RNF32: variants seen among roughly 807,000 people sequenced by gnomAD.
The protein encoded by RNF32 is ring finger protein 32.
In RNF32, 36 loss-of-function variants were observed where a neutral mutation model predicts 41.0. That is an observed-to-expected ratio of 0.88 (90% CI 0.67 to 1.16). The LOEUF is 1.16. Ranked by LOEUF, RNF32 falls within the 50% of genes most tolerant of loss-of-function variation. The pLI is 0.00. For synonymous variants in RNF32, 154 were observed against 160.9 expected (o/e 0.96, Z 0.32); for missense variants, 413 against 436.7 (o/e 0.95, Z 0.48).
rs771792717 is a variant in RNF32 at position 156,676,822 on chromosome 7, A to G, written c.*167A>G. 3.4e-6 allele frequency: 2 copies of G among 593,314 alleles called. No homozygotes were observed. Among genetic ancestry groups the G allele is most frequent in the African/African-American group, 1.9e-5 (1 of 53,958 alleles). The allele number at this position is 593,314 out of a possible 1,614,324, so 36.8% of individuals were successfully genotyped here. A position where few individuals can be genotyped will look rare whatever the true frequency, so the allele number is the denominator to read the frequency against. ...AGTATATTTTAAAAGCTGACATCCC[A>G]CCTAATTTTAATCTTTGGTCTCTAA... On this transcript the variant is annotated 3_prime_UTR_variant, in exon 9 of 9. Coordinates refer to ENST00000317955, the MANE Select transcript of RNF32 (RefSeq NM_030936.4).
rs1364018654 is a variant in RNF32, at chr7:156,658,150, A to T, written c.473A>T (p.Lys158Met). 1 of 1,614,010 alleles carries T rather than the reference A, an allele frequency of 6.2e-7. No homozygotes were observed. The highest frequency in any genetic ancestry group is 1.1e-5 in the South Asian group (1 of 91,056). ...CAGGCATGTCTTCAGGCTTTTGAAA[A>T]GTTCACAAATAAGAAAACCTGTCCT... The part of the protein sequence containing the change: ...FHKACLQAFE[K>M]FTNKKTCPLC... Residue 158 changes from lysine (K) to methionine (M), a missense_variant, in exon 6 of 9, where the codon AAG becomes ATG. Lys to Met is a moderately conservative substitution (Grantham distance 95, BLOSUM62 -1). Transcript: ENST00000317955.
In RNF32 at chr7:156,675,818, T is replaced by C. The variant is rs754252414; in HGVS notation, c.807T>C (p.Cys269=). 1.2e-6 allele frequency: 2 copies of C among 1,614,020 alleles called. No individual in the cohort carries two copies. The highest frequency in any genetic ancestry group is 1.7e-6 in the Non-Finnish European group (2 of 1,180,022). The change falls in exon 8 of 9, where the codon TGT becomes TGC. Residue 269 remains cysteine (C), a synonymous_variant. Transcript: ENST00000317955. ...TTCTTCAGCAGTTGGAAGAAAAATG[T>C]GGCCATGAGATCACAGAAGAGGAAT... ...RSVLQQLEEK[C]GHEITEEEWE... is the part of the protein sequence containing the mutation.
chr7:156,642,033 TAGTG>T (rs1797411892), intron 1 of RNF32, among the ~76,000 whole-genome samples: 1 of 152,218 alleles, frequency 6.6e-6, no homozygotes, highest in South Asian at 2.1e-4. Context: ...ACTCACGCCT[TAGTG>T]AGTTTGTTCT....
intron 3 of RNF32, among the ~76,000 whole-genome samples, chr7:156,650,574 G>A (rs536751055): frequency 3.9e-5 from 6 of 152,184 alleles, no homozygotes; most frequent in South Asian, 2.1e-4. Flanking sequence ...TCTCCCTCCC[G>A]TTCTAAGGTC....
At chr7:156,676,355 T>C in intron 8 of RNF32, 64 bp from the exon 9 acceptor site, 1 of 1,613,634 alleles carries the variant, frequency 6.2e-7, no homozygotes, top group Non-Finnish European at 8.5e-7. Flanking sequence ...GCATTTCAGT[T>C]TAAGTAACTT....
At chr7:156,656,236 T>A (rs1799652609) in intron 4 of RNF32, among the ~76,000 whole-genome samples, 1 of 152,230 alleles carries the variant, frequency 6.6e-6, no homozygotes, top group Non-Finnish European at 1.5e-5. Flanking sequence ...CCTGCTGGAA[T>A]CCAATCCTAA....
intron 7 of RNF32, among the ~76,000 whole-genome samples, chr7:156,662,633 GAAAGGGAGGTGT>G (rs1338787924): frequency 6.6e-6 from 1 of 151,922 alleles, no homozygotes; most frequent in Non-Finnish European, 1.5e-5. Flanking sequence ...TAGATACACA[GAAAGGGAGGTGT>G]ACCCATATAA....
rs1167803678 is a variant in RNF32, at chr7:156,676,417, A to G, written c.853-2A>G. 1 of 1,614,032 alleles carries G rather than the reference A, an allele frequency of 6.2e-7. No homozygotes were observed. Reference sequence around the variant, plus strand: ...GGCCTCTTCCCGTCCTGTGTGCCGCAGGCTCTGCGCCGGGAGACCCACGAG... The same window carrying G: ...GGCCTCTTCCCGTCCTGTGTGCCGCGGGCTCTGCGCCGGGAGACCCACGAG... On this transcript the variant is annotated splice_acceptor_variant, in intron 8 of 8. Coordinates refer to ENST00000317955, the MANE Select transcript of RNF32 (RefSeq NM_030936.4). LOFTEE classifies it high-confidence loss of function.
rs2131643432 is a variant in RNF32 at position 156,670,994 on chromosome 7, A to T, written c.685-4702A>T. On this transcript the variant is annotated intron_variant, in intron 7 of 8. Coordinates refer to ENST00000317955, the MANE Select transcript of RNF32 (RefSeq NM_030936.4). The surrounding 1 kb of genome is among the most constrained non-coding windows in gnomAD (Gnocchi z 4.3). ...GAGAGCTTATGACAAAAATAACATA[A>T]AGCAGGAGAGGAAAATTAAGTATGC... Among the ~76,000 whole-genome samples the T allele has an allele frequency of 6.6e-6, 1 of 152,308 alleles. No homozygotes were observed. Among genetic ancestry groups the T allele is most frequent in the East Asian group, 1.9e-4 (1 of 5,192 alleles).
intron 4 of RNF32, among the ~76,000 whole-genome samples, chr7:156,655,397 AGTG>A (rs1337531273): frequency 6.6e-6 from 1 of 152,140 alleles, no homozygotes; most frequent in African/African-American, 2.4e-5. Flanking sequence ...ATTTATCAGA[AGTG>A]TGTGTGTGCG....
intron 7 of RNF32, among the ~76,000 whole-genome samples, chr7:156,665,491 A>C (rs1801221069): frequency 6.6e-6 from 1 of 152,240 alleles, no homozygotes; most frequent in South Asian, 2.1e-4. Context: ...AAGTCTGGGA[A>C]TAACATGTGA....
chr7:156,644,449 G>T (rs773648412), intron 2 of RNF32, 50 bp from the exon 3 acceptor site: 1 of 1,401,634 alleles, frequency 7.1e-7, no homozygotes, highest in South Asian at 1.2e-5. Flanking sequence ...TCTTCTAAAT[G>T]ATATATTACA....
chr7:156,643,392 T>C (rs1797610774), intron 1 of RNF32, among the ~76,000 whole-genome samples: 1 of 152,222 alleles, frequency 6.6e-6, no homozygotes, highest in South Asian at 2.1e-4. Flanking sequence ...ATTTCCAGCC[T>C]GCCAGTTCTT....
intron 1 of RNF32, chr7:156,643,174 T>A (rs917645926): frequency 6.6e-6 from 1 of 152,244 alleles, no homozygotes; most frequent in African/African-American, 2.4e-5. Context: ...CCAGCGTTAT[T>A]ATACCTGCTT....
At chr7:156,658,425 A>G (rs1433519909) in intron 6 of RNF32, 37 bp from the exon 7 acceptor site, 8 of 1,556,222 alleles carry the variant, frequency 5.1e-6, no homozygotes, top group Non-Finnish European at 7.1e-6. Context: ...ACATAGAGTC[A>G]TCATAAATTA....
At chr7:156,660,164 T>A (rs1165662164) in intron 7 of RNF32, 1 of 985,722 alleles carries the variant, frequency 1.0e-6, no homozygotes, top group Non-Finnish European at 1.2e-6. Flanking sequence ...CTGAGCACAC[T>A]CTTGCCCGCC....
At chr7:156,675,411 C>G (rs1270525879) in intron 7 of RNF32, among the ~76,000 whole-genome samples, 1 of 152,168 alleles carries the variant, frequency 6.6e-6, no homozygotes. Flanking sequence ...TCTCAAATTC[C>G]TTTGGGAAGG....
At position 156,658,254 on chromosome 7, in the gene RNF32, T is replaced by G; in HGVS notation, c.575+2T>G. ...GTTCAGAATCAAGTGTGTGACCAGG[T>G]GAGGACGCCAGGCCCGTTTGGCGCT... On this transcript the variant is annotated splice_donor_variant, in intron 6 of 8. Coordinates refer to ENST00000317955, the MANE Select transcript of RNF32 (RefSeq NM_030936.4). LOFTEE classifies it high-confidence loss of function. The G allele has an allele frequency of 6.2e-7, 1 of 1,613,610 alleles. No homozygotes were observed. The highest frequency in any genetic ancestry group is 8.5e-7 in the Non-Finnish European group (1 of 1,179,910).
In RNF32 at chr7:156,654,667, C is replaced by T. The variant is rs1799326264; in HGVS notation, c.366C>T (p.Asp122=). The part of the protein sequence containing the change: ...KVKQRSLLQG[D]SVQPCPICKE... ...AACAGCGCTCTCTCCTGCAAGGGGACTCCGTGCAACCATGCCCCATCTGTA... is the reference window on the plus strand; with the variant it reads ...AACAGCGCTCTCTCCTGCAAGGGGATTCCGTGCAACCATGCCCCATCTGTA... The change falls in exon 4 of 9, where the codon GAC becomes GAT. Residue 122 remains aspartate (D), a synonymous_variant. Transcript: ENST00000317955. The T allele has an allele frequency of 6.2e-7, 1 of 1,614,156 alleles. No individual in the cohort carries two copies. The highest frequency in any genetic ancestry group is 8.5e-7 in the Non-Finnish European group (1 of 1,179,980).
Sources: allele counts gnomAD v4.1 joint callset (sites outside exome capture counted in the v4.1 genomes callset), GRCh38; gene constraint gnomAD v4.1.1; non-coding constraint Gnocchi (gnomAD v3.1); transcripts MANE v1.5; gene names NCBI Gene and HGNC (gene_info 2026-07-23, HGNC 2026-07-21).